The following GSTCD variants were observed in gnomAD, a reference collection of about 807,000 sequenced individuals.
GSTCD encodes glutathione S-transferase C-terminal domain containing, also known as glutathione S-transferase C-terminal domain-containing protein.
Under a neutral mutation model 68.3 loss-of-function variants are expected in GSTCD, and 44 were observed. The ratio of observed to expected loss-of-function variants is 0.64; its 90% CI spans 0.51 to 0.83. The LOEUF is 0.83. GSTCD is among the 40% of genes least tolerant of loss of function. The pLI, the probability that GSTCD is intolerant of heterozygous loss-of-function variation, is 0.00. For synonymous variants in GSTCD, 273 were observed against 255.2 expected (o/e 1.07, Z -0.67); for missense variants, 739 against 735.9 (o/e 1.00, Z -0.05).
At chr4:105,753,311 A>G (rs1405490256) in intron 5 of GSTCD, 1 of 152,130 alleles carries the variant, frequency 6.6e-6, no homozygotes, top group Non-Finnish European at 1.5e-5. Context: ...TCTGAAACAA[A>G]GATAGTTGCA....
At chr4:105,742,707 CTT>C (rs70941211) in intron 5 of GSTCD, among the ~76,000 whole-genome samples, 208 of 130,366 alleles carry the variant, frequency 1.6e-3, no homozygotes, top group Admixed American at 2.6e-3. Flanking sequence ...GTTGTTTTTA[CTT>C]TTTTTTTTTT....
intron 1 of GSTCD, among the ~76,000 whole-genome samples, chr4:105,713,084 A>C (rs1395165072): frequency 6.6e-6 from 1 of 152,244 alleles, no homozygotes; most frequent in Non-Finnish European, 1.5e-5. Context: ...AGAGTAAAAA[A>C]TATCAGATTT....
intron 5 of GSTCD, among the ~76,000 whole-genome samples, chr4:105,752,927 T>C (rs1734055863): frequency 6.6e-6 from 1 of 152,080 alleles, no homozygotes. Flanking sequence ...AGTATTGAAA[T>C]GTAGTTGTGT....
At chr4:105,832,927 C>A (rs982686167) in intron 8 of GSTCD, among the ~76,000 whole-genome samples, 1 of 152,184 alleles carries the variant, frequency 6.6e-6, no homozygotes, top group South Asian at 2.1e-4. Context: ...CTTTCCCATT[C>A]CCTGTAGTTG....
At chr4:105,716,303 A>G (rs1301086001) in intron 1 of GSTCD, among the ~76,000 whole-genome samples, 2 of 152,202 alleles carry the variant, frequency 1.3e-5, no homozygotes, top group Admixed American at 6.5e-5. Context: ...GGAGGATCTC[A>G]GTAAGAAGTT....
At chr4:105,787,108 G>GA (rs1246013537) in intron 5 of GSTCD, among the ~76,000 whole-genome samples, 1 of 152,074 alleles carries the variant, frequency 6.6e-6, no homozygotes, top group Non-Finnish European at 1.5e-5. Context: ...CATATGCTGA[G>GA]AATGGGGAAC....
chr4:105,755,991 G>A (rs1355660039), intron 5 of GSTCD, among the ~76,000 whole-genome samples: 1 of 152,086 alleles, frequency 6.6e-6, no homozygotes, highest in Middle Eastern at 3.2e-3. Context: ...CCCTCCTAAG[G>A]TTCAACTAAT....
chr4:105,711,491 A>G (rs1052183251), intron 1 of GSTCD, among the ~76,000 whole-genome samples: 3 of 152,378 alleles, frequency 2.0e-5, no homozygotes, highest in East Asian at 3.9e-4. Context: ...AATATAAACC[A>G]TAATTTGGGT....
At position 105,834,517 on chromosome 4, in the gene GSTCD, AAC is replaced by A; in HGVS notation, c.1590_1591del (p.Arg531GlyfsTer25). ...ACATGGTGATTGAGCACTGTATCAA[AAC>A]ACGGGCTTCCTTCGTCACATGCCCT... is the stretch of plus-strand genomic sequence containing the variant. Reference protein sequence around the residue: ...TDMVIEHCIKTRASFVTCPCC... With the variant: ...TDMVIEHCIKXRASFVTCPCC... On this transcript the variant is annotated frameshift_variant, in exon 9 of 12. Transcript: ENST00000515279. LOFTEE classifies it high-confidence loss of function. 1 of 1,614,136 alleles carries A rather than the reference AAC, an allele frequency of 6.2e-7. No homozygotes were observed.
In GSTCD at chr4:105,717,678, C is replaced by T; in HGVS notation, c.65C>T (p.Thr22Ile). The T allele has an allele frequency of 3.1e-6, 5 of 1,611,332 alleles. No homozygotes were observed. Among genetic ancestry groups the T allele is most frequent in the Middle Eastern group, 3.3e-4 (2 of 6,042 alleles). The part of the protein sequence containing the change: ...EYLYLDFSHQ[T>I]EGCIFPLHTS... ...CTGTACCTGGACTTTTCTCACCAAA[C>T]AGAAGGATGCATCTTTCCTCTTCAT... The change falls in exon 2 of 12, where the codon ACA (threonine) becomes ATA (isoleucine). Residue 22 changes from threonine (T) to isoleucine (I), a missense_variant. Transcript: ENST00000515279.
intron 5 of GSTCD, chr4:105,820,705 C>T (rs977736745): frequency 3.8e-4 from 58 of 151,948 alleles, no homozygotes; most frequent in Middle Eastern, 3.4e-3. Context: ...ATATTATGTG[C>T]AGCGTATGGT....
At chr4:105,755,469 A>G (rs1311809120) in intron 5 of GSTCD, among the ~76,000 whole-genome samples, 1 of 152,130 alleles carries the variant, frequency 6.6e-6, no homozygotes, top group Non-Finnish European at 1.5e-5. Flanking sequence ...AGGAAAAACC[A>G]AAGTGTTTTT....
chr4:105,799,715 A>G (rs991139160), intron 5 of GSTCD, among the ~76,000 whole-genome samples: 1 of 152,052 alleles, frequency 6.6e-6, no homozygotes, highest in African/African-American at 2.4e-5. Flanking sequence ...ATAATGAAAA[A>G]GTTTGGTGTA....
intron 11 of GSTCD, 55 bp downstream of exon 11, chr4:105,842,189 A>T (rs1724378304): frequency 7.2e-7 from 1 of 1,393,192 alleles, no homozygotes; most frequent in South Asian, 1.2e-5. Context: ...ATGACTGGGA[A>T]TGATTGGACC....
intron 11 of GSTCD, among the ~76,000 whole-genome samples, chr4:105,842,766 T>C (rs972052612): frequency 6.6e-6 from 1 of 152,210 alleles, no homozygotes; most frequent in Admixed American, 6.5e-5. Flanking sequence ...CTTACAAATA[T>C]ACATATGGGG....
In GSTCD at chr4:105,726,742, A is replaced by G. The variant is rs1560796754; in HGVS notation, c.1058A>G (p.His353Arg). 1.9e-6 allele frequency: 3 copies of G among 1,613,980 alleles called. No homozygotes were observed. Among genetic ancestry groups the G allele is most frequent in the Non-Finnish European group, 2.5e-6 (3 of 1,179,892 alleles). The change falls in exon 4 of 12, where the codon CAT (histidine) becomes CGT (arginine). Residue 353 changes from histidine (H) to arginine (R), a missense_variant. Transcript: ENST00000515279. ...PKLLTTSTEQ[H>R]PNLCEVPGVE... ...TTGTTGACAACCTCAACTGAACAGCATCCAAACTTATGTGAAGTCCCAGGT... is the reference window on the plus strand; with the variant it reads ...TTGTTGACAACCTCAACTGAACAGCGTCCAAACTTATGTGAAGTCCCAGGT...
Position 105,717,930 on chromosome 4 carries a change from C to T in GSTCD, c.317C>T (p.Ala106Val), listed in dbSNP as rs866784872. The T allele has an allele frequency of 5.6e-6, 9 of 1,614,058 alleles. No individual in the cohort carries two copies. The highest frequency in any genetic ancestry group is 7.6e-6 in the Non-Finnish European group (9 of 1,179,972). Residue 106 changes from alanine to valine, a missense_variant, in exon 2 of 12, where the codon GCT (alanine) becomes GTT (valine). Coordinates refer to ENST00000515279, the MANE Select transcript of GSTCD (RefSeq NM_001370181.1). ...RSDNFCRAGL[A>V]VVLRHIIQKS... ...GACAATTTTTGTAGAGCAGGACTTGCTGTTGTATTGAGACACATAATCCAG... is the reference window on the plus strand; with the variant it reads ...GACAATTTTTGTAGAGCAGGACTTGTTGTTGTATTGAGACACATAATCCAG...
chr4:105,806,822 G>A (rs1722520367), intron 5 of GSTCD, among the ~76,000 whole-genome samples: 2 of 151,888 alleles, frequency 1.3e-5, no homozygotes, highest in Non-Finnish European at 2.9e-5. Flanking sequence ...ATGTCCATAC[G>A]CTATAGGCCC....
chr4:105,816,994 C>A (rs984368890), intron 5 of GSTCD, among the ~76,000 whole-genome samples: 4 of 151,428 alleles, frequency 2.6e-5, no homozygotes, highest in South Asian at 4.1e-4. Flanking sequence ...TATTGTAAAG[C>A]ATCATATAAG....
Sources: allele counts gnomAD v4.1 joint callset (sites outside exome capture counted in the v4.1 genomes callset), GRCh38; gene constraint gnomAD v4.1.1; transcripts MANE v1.5; gene names NCBI Gene and HGNC (gene_info 2026-07-23, HGNC 2026-07-21).